Variants in PCDH15 observed in about 807,000 individuals in gnomAD.
PCDH15 encodes protocadherin-15.
A neutral mutation model predicts 178.5 loss-of-function variants in PCDH15; 129 were observed. The observed-to-expected ratio is 0.72, with a 90% CI of 0.63 to 0.84. The LOEUF (loss-of-function observed/expected upper bound fraction) is 0.84. PCDH15 is among the 40% of genes least tolerant of loss of function. The probability of loss-of-function intolerance (pLI) is 0.00; values close to 1 mark genes in which losing one functional copy is unlikely to be tolerated. For synonymous variants in PCDH15, 800 were observed against 732.0 expected (o/e 1.09, Z -1.50); for missense variants, 2,230 against 2,099.9 (o/e 1.06, Z -1.21).
chr10:53,807,232 T>C (rs919153418), intron 37 of PCDH15, 102 bp from the exon 38 acceptor site: 32 of 978,134 alleles, frequency 3.3e-5, no homozygotes, highest in Non-Finnish European at 4.5e-5. Context: ...TAGAAAGCTG[T>C]CAAAGGTAAA....
chr10:54,820,162 C>T (rs1385826618), intron 3 of PCDH15, among the ~76,000 whole-genome samples: 1 of 151,816 alleles, frequency 6.6e-6, no homozygotes. Flanking sequence ...CTTACCACAC[C>T]CATCTGATGG....
At chr10:54,098,981 G>A (rs539369313) in intron 15 of PCDH15, among the ~76,000 whole-genome samples, 7 of 152,178 alleles carry the variant, frequency 4.6e-5, no homozygotes, top group South Asian at 2.1e-4. Flanking sequence ...GGACACCTAC[G>A]AAGCAATTTA....
At chr10:55,598,454 C>T (rs1256831230) in intron 2 of PCDH15, among the ~76,000 whole-genome samples, 7 of 143,592 alleles carry the variant, frequency 4.9e-5, no homozygotes, top group African/African-American at 1.0e-4. Context: ...TGATAAACCC[C>T]GATATACCTC....
intron 14 of PCDH15, among the ~76,000 whole-genome samples, chr10:54,136,980 A>G (rs1488432701): frequency 6.6e-6 from 1 of 152,182 alleles, no homozygotes; most frequent in African/African-American, 2.4e-5. Context: ...TTAAATAACC[A>G]CCAGGCTTCT....
At chr10:54,168,723 T>C (rs1302547688) in intron 13 of PCDH15, among the ~76,000 whole-genome samples, 1 of 152,124 alleles carries the variant, frequency 6.6e-6, no homozygotes, top group Non-Finnish European at 1.5e-5. Context: ...GCAGCAACCC[T>C]GAGACACTTT....
intron 16 of PCDH15, among the ~76,000 whole-genome samples, chr10:54,084,555 G>A (rs2094488534): frequency 6.6e-6 from 1 of 152,076 alleles, no homozygotes; most frequent in Admixed American, 6.6e-5. Context: ...GATCACGTAA[G>A]CCTAGACTTT....
In PCDH15 at chr10:55,588,991, G is replaced by T. The variant is rs532922415; in HGVS notation, c.-156+38634C>A. ...AGCTACTCGGGAGGCTGAGGCAGGAGAATTGCTTGAACCCAGGAGGTGGAG... is the reference window on the plus strand; with the variant it reads ...AGCTACTCGGGAGGCTGAGGCAGGATAATTGCTTGAACCCAGGAGGTGGAG... On this transcript the variant is annotated intron_variant, in intron 2 of 5. Transcript: ENST00000613346. Among the ~76,000 whole-genome samples the T allele has an allele frequency of 2.7e-3, 394 of 145,720 alleles. 2 individuals are homozygous for T. Among genetic ancestry groups the T allele is most frequent in the African/African-American group, 9.1e-3 (362 of 39,678 alleles).
At chr10:54,149,811 C>G (rs138071374) in intron 14 of PCDH15, among the ~76,000 whole-genome samples, 1 of 152,216 alleles carries the variant, frequency 6.6e-6, no homozygotes, top group East Asian at 1.9e-4. Context: ...TTTCAACACT[C>G]TAGACTAGAG....
Position 54,853,604 on chromosome 10 carries a change from T to C in PCDH15, c.-29+43846A>G, listed in dbSNP as rs920479698. On this transcript the variant is annotated intron_variant, in intron 3 of 5. Coordinates refer to the PCDH15 transcript ENST00000458638. ...CAAATATAAATCAAAAATACCTTCC[T>C]TGTATTCCTAAAATTAAAAAAGCTC... 2.0e-5 allele frequency among the ~76,000 whole-genome samples: 3 copies of C among 151,096 alleles called. No individual in the cohort carries two copies. The Admixed American group carries it at 2.0e-4, about 10-fold the overall frequency.
intron 2 of PCDH15, among the ~76,000 whole-genome samples, chr10:54,645,439 A>G (rs370844413): frequency 2.0e-5 from 3 of 152,250 alleles, no homozygotes; most frequent in East Asian, 3.9e-4. Context: ...AAAATAGTAA[A>G]AGCATTTATA....
intron 3 of PCDH15, among the ~76,000 whole-genome samples, chr10:54,423,134 G>A (rs1285217617): frequency 6.6e-6 from 1 of 151,940 alleles, no homozygotes; most frequent in African/African-American, 2.4e-5. Context: ...ACCTGCAGCA[G>A]GTTGAAATTT....
chr10:53,924,716 C>G (rs937432330), intron 25 of PCDH15, among the ~76,000 whole-genome samples: 1 of 152,190 alleles, frequency 6.6e-6, no homozygotes, highest in Non-Finnish European at 1.5e-5. Context: ...CACTCTGTAT[C>G]TAGCTCAAGG....
At chr10:54,304,858 T>C (rs914640838) in intron 8 of PCDH15, among the ~76,000 whole-genome samples, 8 of 145,002 alleles carry the variant, frequency 5.5e-5, no homozygotes, top group African/African-American at 1.9e-4. Context: ...CATAGTCTGT[T>C]TATTTCCCTT....
chr10:55,009,250 A>ATGTGTGTG (rs5785109), intron 2 of PCDH15, among the ~76,000 whole-genome samples: 16 of 149,444 alleles, frequency 1.1e-4, no homozygotes, highest in South Asian at 6.4e-4. Context: ...GCACGCACAG[A>ATGTGTGTG]TGTGTGTGTG....
intron 2 of PCDH15, among the ~76,000 whole-genome samples, chr10:54,931,734 T>C (rs1303477026): frequency 6.6e-6 from 1 of 152,182 alleles, no homozygotes; most frequent in East Asian, 1.9e-4. Context: ...TAATAAACCA[T>C]TAATACATAC....
At chr10:53,936,235 C>A (rs2085561776) in intron 25 of PCDH15, among the ~76,000 whole-genome samples, 1 of 152,078 alleles carries the variant, frequency 6.6e-6, no homozygotes, top group African/African-American at 2.4e-5. Flanking sequence ...ATGTATAGAC[C>A]TTATTTTGAT....
chr10:55,461,478 G>GA (rs1309744576), intron 2 of PCDH15, among the ~76,000 whole-genome samples: 2 of 152,170 alleles, frequency 1.3e-5, no homozygotes, highest in South Asian at 4.2e-4. Flanking sequence ...TTTTTGGGGG[G>GA]AAAACATTTT....
At chr10:55,236,968 C>G (rs1046651225) in intron 1 of PCDH15, among the ~76,000 whole-genome samples, 1 of 151,330 alleles carries the variant, frequency 6.6e-6, no homozygotes, top group South Asian at 2.1e-4. Flanking sequence ...CACGTGTACG[C>G]ATCACTGGAT....
At chr10:55,312,678 C>T (rs1843617762) in intron 1 of PCDH15, among the ~76,000 whole-genome samples, 1 of 151,702 alleles carries the variant, frequency 6.6e-6, no homozygotes, top group Non-Finnish European at 1.5e-5. Context: ...AGCGCAATGG[C>T]ACAATCTAGG....
Sources: gnomAD v4.1 joint callset for allele counts (sites outside exome capture counted in the v4.1 genomes callset) on GRCh38, gnomAD v4.1.1 for gene constraint, MANE v1.5 for transcripts, NCBI Gene and HGNC (gene_info 2026-07-23, HGNC 2026-07-21) for gene names.